The following SP140 variants were observed in gnomAD, a reference collection of about 807,000 sequenced individuals.
SP140 encodes nuclear body protein SP140.
SP140 carries 81 observed loss-of-function variants against 125.0 expected under a neutral mutation model. The observed-to-expected ratio is 0.65, with a 90% CI of 0.54 to 0.78. The LOEUF (loss-of-function observed/expected upper bound fraction) is 0.78, where lower values mean the gene tolerates loss of function less well. SP140 is among the 30% of genes least tolerant of loss of function. The probability of loss-of-function intolerance (pLI) is 0.00; values close to 1 mark genes in which losing one functional copy is unlikely to be tolerated. For synonymous variants in SP140, 312 were observed against 354.0 expected, an observed-to-expected ratio of 0.88 and a Z score of 1.33; for missense variants, 858 against 1,037.0, an observed-to-expected ratio of 0.83 and a Z score of 2.37.
In SP140 at chr2:230,211,463, A is replaced by G; in HGVS notation, c.-322-2191A>G. On this transcript the variant is annotated intron_variant, in intron 1 of 4. Transcript: ENST00000456542. The surrounding 1 kb of genome is among the most constrained non-coding windows in gnomAD (Gnocchi z 4.2). ...GCAAGCTTTTAGGTTGACCAAACCAAGATTACCTGGCATAGAGCCCAAGGG... is the reference window on the plus strand; with the variant it reads ...GCAAGCTTTTAGGTTGACCAAACCAGGATTACCTGGCATAGAGCCCAAGGG... 1 of 1,570,054 alleles carries G rather than the reference A, an allele frequency of 6.4e-7. No homozygotes were observed. Among genetic ancestry groups the G allele is most frequent in the Non-Finnish European group, 8.8e-7 (1 of 1,139,808 alleles).
chr2:230,246,251 T>G (rs549110058), intron 7 of SP140, among the ~76,000 whole-genome samples: 19 of 152,198 alleles, frequency 1.2e-4, no homozygotes, highest in African/African-American at 4.3e-4. Context: ...TGGTTGGGGC[T>G]TTCCTGCATA....
chr2:230,308,414 T>C (rs966276427), intron 22 of SP140, among the ~76,000 whole-genome samples: 1 of 152,230 alleles, frequency 6.6e-6, no homozygotes, highest in African/African-American at 2.4e-5. Context: ...AGATTAAGGA[T>C]TCGACATACT....
chr2:230,274,225 C>T (rs1173482774), intron 15 of SP140, among the ~76,000 whole-genome samples: 2 of 151,972 alleles, frequency 1.3e-5, no homozygotes, highest in Non-Finnish European at 2.9e-5. Context: ...CCATAAGACT[C>T]TTGAGGGTTT....
chr2:230,237,091 C>G lies in SP140; in HGVS notation c.68C>G (p.Ala23Gly), dbSNP rs756948425. 6.3e-7 allele frequency: 1 copy of G among 1,578,326 alleles called. No homozygotes were observed. Among genetic ancestry groups the G allele is most frequent in the Admixed American group, 2.0e-5 (1 of 50,188 alleles). ...GTATCTTTGTTTCTTAGGATGGTCGCAGAGATCCAGAACGTAGAGGGTCAG... is the reference window on the plus strand; with the variant it reads ...GTATCTTTGTTTCTTAGGATGGTCGGAGAGATCCAGAACGTAGAGGGTCAG... The part of the protein sequence containing the change: ...GDSNLNFRMV[A>G]EIQNVEGQNL... The change falls in exon 2 of 27, where the codon GCA becomes GGA. Residue 23 changes from alanine to glycine, a missense_variant. Around this residue, in one of 4 missense-constraint regions of SP140, gnomAD observed 791 missense variants for 869.5 expected, o/e 0.91. Coordinates refer to ENST00000392045, the MANE Select transcript of SP140 (RefSeq NM_007237.5). This position sits in a 1 kb window ranked among gnomAD's most constrained non-coding sequence, Gnocchi z 5.4.
rs183108347 is a variant in SP140 at position 230,275,070 on chromosome 2, G to A, written c.1498+4431G>A. 3.4e-3 allele frequency among the ~76,000 whole-genome samples: 510 copies of A among 151,960 alleles called. 2 individuals carry two copies. The highest frequency in any genetic ancestry group is 5.8e-3 in the Non-Finnish European group (396 of 67,958). ...TGGCCATTTTTGTTTCTTCTCCTAC[G>A]AGTGCCTGGAACTTATATTTTGCCA... On this transcript the variant is annotated intron_variant, in intron 15 of 26. Transcript: ENST00000392045.
intron 22 of SP140, among the ~76,000 whole-genome samples, chr2:230,307,990 T>TATATATATATATATAC (rs869070046): frequency 1.3e-4 from 7 of 52,636 alleles, no homozygotes; most frequent in African/African-American, 2.3e-4. Context: ...TATATATATA[T>TATATATATATATATAC]ACACACACAC....
intron 22 of SP140, among the ~76,000 whole-genome samples, chr2:230,307,343 G>C (rs1395030276): frequency 6.6e-6 from 1 of 152,204 alleles, no homozygotes; most frequent in Non-Finnish European, 1.5e-5. Flanking sequence ...GAATGGTGAG[G>C]CTAAAAGAGC....
chr2:230,194,238 C>T, the SP140 span, among the ~76,000 whole-genome samples: 116,160 of 151,956 alleles, frequency 0.76, 44,528 homozygotes, highest in Admixed American at 0.83. Context: ...CATAAAGGTA[C>T]AGAATCCAAG....
intron 14 of SP140, among the ~76,000 whole-genome samples, chr2:230,270,379 C>G (rs1307019393): frequency 2.0e-5 from 3 of 152,044 alleles, no homozygotes; most frequent in Non-Finnish European, 1.5e-5. Flanking sequence ...CTTCTTAGCC[C>G]AACACGTATT....
intron 12 of SP140, among the ~76,000 whole-genome samples, chr2:230,257,922 G>A (rs929295057): frequency 1.2e-4 from 9 of 73,244 alleles, no homozygotes; most frequent in Non-Finnish European, 2.3e-4. Flanking sequence ...GCCTTCAAAA[G>A]TGAGATTTGT....
intron 15 of SP140, among the ~76,000 whole-genome samples, chr2:230,282,436 C>T (rs543487525): frequency 5.3e-5 from 8 of 152,314 alleles, no homozygotes; most frequent in Middle Eastern, 6.8e-3. Flanking sequence ...GAAGACACCA[C>T]CCCATCAGCC....
chr2:230,268,456 C>T (rs1394904012), intron 12 of SP140, among the ~76,000 whole-genome samples: 3 of 149,592 alleles, frequency 2.0e-5, no homozygotes, highest in East Asian at 2.0e-4. Flanking sequence ...ACCCAGGAGG[C>T]GGAGGTTGCA....
At chr2:230,239,791 G>T (rs548509405) in intron 3 of SP140, among the ~76,000 whole-genome samples, 15 of 152,268 alleles carry the variant, frequency 9.9e-5, no homozygotes, top group African/African-American at 3.6e-4. Context: ...TAATCTGAGG[G>T]TGGGTGAATC....
At chr2:230,255,960 G>A (rs1382644271) in intron 12 of SP140, among the ~76,000 whole-genome samples, 3 of 152,200 alleles carry the variant, frequency 2.0e-5, no homozygotes, top group African/African-American at 7.2e-5. Flanking sequence ...ATAAAGGTCA[G>A]AAATACGGTA....
intron 23 of SP140, 108 bp downstream of exon 23, chr2:230,310,147 G>T: frequency 9.6e-7 from 1 of 1,043,204 alleles, no homozygotes; most frequent in Non-Finnish European, 1.4e-6. Flanking sequence ...GAAAGAGCAG[G>T]TTCATCGGGT....
intron 12 of SP140, 128 bp from the exon 13 acceptor site, chr2:230,269,404 G>T: frequency 4.5e-6 from 3 of 672,878 alleles, no homozygotes; most frequent in Admixed American, 4.8e-5. Context: ...ATTGGAGCAG[G>T]TATATTTTTT....
the SP140 span, among the ~76,000 whole-genome samples, chr2:230,197,423 A>T: frequency 6.6e-6 from 1 of 151,210 alleles, no homozygotes; most frequent in Non-Finnish European, 1.5e-5. Context: ...GTTTGAGTTA[A>T]TTGTAGATTC....
intron 11 of SP140, among the ~76,000 whole-genome samples, chr2:230,253,676 G>T (rs2050724288): frequency 6.6e-6 from 1 of 152,126 alleles, no homozygotes; most frequent in African/African-American, 2.4e-5. Flanking sequence ...AGGTAGGCTG[G>T]GGGCACCAGA....
the SP140 span, among the ~76,000 whole-genome samples, chr2:230,189,913 T>C: frequency 6.6e-6 from 1 of 152,244 alleles, no homozygotes; most frequent in East Asian, 1.9e-4. Flanking sequence ...ATGATGTATA[T>C]GTACCACATA....
Sources: allele counts gnomAD v4.1 joint callset (sites outside exome capture counted in the v4.1 genomes callset), GRCh38; gene constraint gnomAD v4.1.1; regional missense constraint gnomAD v4.1.1; non-coding constraint Gnocchi (gnomAD v3.1); transcripts MANE v1.5; gene names NCBI Gene and HGNC (gene_info 2026-07-23, HGNC 2026-07-21).